The following CSMD1 variants were observed in gnomAD, a reference collection of about 807,000 sequenced individuals.
CSMD1 encodes CUB and sushi domain-containing protein 1.
Under a neutral mutation model 417.5 loss-of-function variants are expected in CSMD1, and 213 were observed. The observed-to-expected ratio is 0.51, with a 90% CI of 0.46 to 0.57. The LOEUF (loss-of-function observed/expected upper bound fraction) is 0.57, where lower values mean the gene tolerates loss of function less well. Among genes scored for constraint, CSMD1 ranks in the 20% least tolerant of loss-of-function variants. The probability of loss-of-function intolerance (pLI) is 0.00; values close to 1 mark genes in which losing one functional copy is unlikely to be tolerated. For synonymous variants in CSMD1, 2,862 were observed against 1,736.8 expected, an observed-to-expected ratio of 1.65 and a Z score of -16.11; for missense variants, 6,923 against 4,529.7, an observed-to-expected ratio of 1.53 and a Z score of -15.17.
intron 8 of CSMD1, among the ~76,000 whole-genome samples, chr8:3,606,215 T>A (rs376750502): frequency 1.3e-5 from 2 of 152,114 alleles, no homozygotes; most frequent in African/African-American, 4.8e-5. Context: ...TCACTTGTCT[T>A]TTAAGGCCAG....
chr8:3,445,553 G>C (rs548774735), intron 12 of CSMD1, among the ~76,000 whole-genome samples: 4 of 152,064 alleles, frequency 2.6e-5, no homozygotes, highest in African/African-American at 7.2e-5. Flanking sequence ...TAATAGAACA[G>C]ACTTCTTATG....
At chr8:4,932,226 G>C (rs1388689449) in intron 1 of CSMD1, among the ~76,000 whole-genome samples, 2 of 148,090 alleles carry the variant, frequency 1.4e-5, no homozygotes, top group African/African-American at 5.0e-5. Flanking sequence ...ATTTTATTTT[G>C]GGAAGACTTT....
chr8:3,670,848 G>C (rs184806564), intron 7 of CSMD1, among the ~76,000 whole-genome samples: 55 of 149,530 alleles, frequency 3.7e-4, no homozygotes, highest in African/African-American at 1.3e-3. Context: ...TATGTATATG[G>C]GATATATATG....
At chr8:3,989,995 AC>A (rs1294501991) in intron 5 of CSMD1, among the ~76,000 whole-genome samples, 2 of 152,342 alleles carry the variant, frequency 1.3e-5, no homozygotes, top group African/African-American at 4.8e-5. Context: ...CAATTGGAAC[AC>A]GAGGATGTGC....
At position 3,936,013 on chromosome 8, in the gene CSMD1, G is replaced by T. The variant is rs377182531; in HGVS notation, c.818+61890C>A. On this transcript the variant is annotated intron_variant, in intron 5 of 69. Coordinates refer to ENST00000635120, the MANE Select transcript of CSMD1 (RefSeq NM_033225.6). ...TTCAGTGAATGCAAATGATAAGAAA[G>T]GAAAACAGCCTTATTGCTGATATGG... Among the ~76,000 whole-genome samples the T allele has an allele frequency of 2.1e-4, 32 of 152,230 alleles. No individual in the cohort carries two copies. The East Asian group carries it at 2.5e-3, about 12-fold the overall frequency.
At chr8:3,669,175 TAA>T in intron 7 of CSMD1, among the ~76,000 whole-genome samples, 1 of 152,174 alleles carries the variant, frequency 6.6e-6, no homozygotes, top group Non-Finnish European at 1.5e-5. Flanking sequence ...CAAATGAGCA[TAA>T]AGTTATGTTT....
At chr8:4,002,586 G>C (rs1325926215) in intron 4 of CSMD1, among the ~76,000 whole-genome samples, 2 of 152,238 alleles carry the variant, frequency 1.3e-5, no homozygotes, top group Middle Eastern at 3.4e-3. Context: ...ATATTTACTT[G>C]TGAACTTATC....
At chr8:4,582,892 G>A (rs1458074038) in intron 2 of CSMD1, among the ~76,000 whole-genome samples, 1 of 152,210 alleles carries the variant, frequency 6.6e-6, no homozygotes, top group Admixed American at 6.5e-5. Context: ...GTTCCGGGTG[G>A]GCGTGGGCTT....
chr8:3,944,337 T>C (rs909691873), intron 5 of CSMD1, among the ~76,000 whole-genome samples: 1 of 152,160 alleles, frequency 6.6e-6, no homozygotes, highest in Admixed American at 6.6e-5. Flanking sequence ...CCTTATTTTT[T>C]AAAGAATAAT....
intron 2 of CSMD1, among the ~76,000 whole-genome samples, chr8:4,581,134 C>G (rs183662581): frequency 6.6e-6 from 1 of 152,232 alleles, no homozygotes; most frequent in East Asian, 1.9e-4. Context: ...TAGAAAGAAT[C>G]TTTAGTCAAG....
intron 23 of CSMD1, among the ~76,000 whole-genome samples, chr8:3,340,115 C>G (rs1374841167): frequency 1.3e-5 from 2 of 152,158 alleles, no homozygotes; most frequent in African/African-American, 2.4e-5. Context: ...AAATGAGGAT[C>G]ACCGAAAATC....
chr8:3,962,761 G>C (rs1329383358), intron 5 of CSMD1, among the ~76,000 whole-genome samples: 1 of 152,076 alleles, frequency 6.6e-6, no homozygotes, highest in African/African-American at 2.4e-5. Flanking sequence ...TCAGAGGCTG[G>C]CATCTATGTT....
chr8:4,388,157 T>A (rs1242819829), intron 3 of CSMD1, among the ~76,000 whole-genome samples: 1 of 152,130 alleles, frequency 6.6e-6, no homozygotes, highest in Non-Finnish European at 1.5e-5. Flanking sequence ...CTACCAACAG[T>A]CCCACTAATG....
At chr8:3,481,040 C>T (rs1284191952) in intron 11 of CSMD1, among the ~76,000 whole-genome samples, 1 of 151,042 alleles carries the variant, frequency 6.6e-6, no homozygotes, top group Non-Finnish European at 1.5e-5. Context: ...CCTGTAGTCC[C>T]AGCTACTAGG....
chr8:4,193,438 A>G (rs2131223114), intron 3 of CSMD1, among the ~76,000 whole-genome samples: 1 of 151,902 alleles, frequency 6.6e-6, no homozygotes, highest in African/African-American at 2.4e-5. Context: ...ACATCCAGGT[A>G]CCCATGCCAG....
At chr8:4,380,146 T>A (rs1322838902) in intron 3 of CSMD1, among the ~76,000 whole-genome samples, 1 of 152,188 alleles carries the variant, frequency 6.6e-6, no homozygotes, top group Non-Finnish European at 1.5e-5. Context: ...TTTCTACATA[T>A]CTGCCCTCAG....
At chr8:3,813,961 T>A (rs1392408519) in intron 5 of CSMD1, among the ~76,000 whole-genome samples, 1 of 152,234 alleles carries the variant, frequency 6.6e-6, no homozygotes, top group East Asian at 1.9e-4. Context: ...TGTAAGACCC[T>A]GAAATATGTG....
intron 2 of CSMD1, among the ~76,000 whole-genome samples, chr8:4,498,631 G>A (rs1363490835): frequency 6.6e-6 from 1 of 152,138 alleles, no homozygotes; most frequent in East Asian, 1.9e-4. Context: ...GTAAAATAAA[G>A]TTACTTCTTT....
At chr8:4,970,883 G>C (rs1241443741) in intron 1 of CSMD1, among the ~76,000 whole-genome samples, 1 of 151,962 alleles carries the variant, frequency 6.6e-6, no homozygotes, top group Non-Finnish European at 1.5e-5. Context: ...TATTAAGAAA[G>C]GAAAGTAACG....
Sources: allele counts gnomAD v4.1 joint callset (sites outside exome capture counted in the v4.1 genomes callset), GRCh38; gene constraint gnomAD v4.1.1; transcripts MANE v1.5; gene names NCBI Gene and HGNC (gene_info 2026-07-23, HGNC 2026-07-21).